MS4A6E: variants seen among roughly 807,000 people sequenced by gnomAD.
MS4A6E encodes membrane spanning 4-domains A6E.
MS4A6E carries 8 observed loss-of-function variants against 13.2 expected under a neutral mutation model. That is an observed-to-expected ratio of 0.60 (90% CI 0.35 to 1.09). MS4A6E has a LOEUF of 1.09. Ranked by LOEUF, MS4A6E falls within the 50% of genes least tolerant of loss-of-function variation. The probability of loss-of-function intolerance (pLI) is 0.02; values close to 1 mark genes in which losing one functional copy is unlikely to be tolerated. For synonymous variants in MS4A6E, 72 were observed against 67.6 expected (o/e 1.06, Z -0.32); for missense variants, 177 against 171.1 (o/e 1.03, Z -0.19).
chr11:60,338,364 T>G (rs555895167), intron 3 of MS4A6E: 16 of 180,854 alleles, frequency 8.8e-5, no homozygotes, highest in Admixed American at 8.3e-4. Context: ...GGGGGTCAGT[T>G]TGGTCTAAAA....
chr11:60,342,186 A>T (rs1466933496), downstream of MS4A6E, among the ~76,000 whole-genome samples: 146 of 75,964 alleles, frequency 1.9e-3, 2 homozygotes, highest in South Asian at 0.015. Context: ...TGTGAGAGAG[A>T]GAGAGAGAGA....
chr11:60,342,169 GTGTGTGTGTGAGAGAGAGAGAGAGAGAGA>G (rs2085229711), downstream of MS4A6E, among the ~76,000 whole-genome samples: 1 of 34,960 alleles, frequency 2.9e-5, no homozygotes, highest in African/African-American at 1.1e-4. Context: ...GTGTGTGTGT[GTGTGTGTGTGAGAGAGAGAGAGAGAGAGA>G]GAGGGGGGGG....
At chr11:60,329,189 T>G (rs2085138775) in intron 1 of MS4A6E, among the ~76,000 whole-genome samples, 1 of 143,440 alleles carries the variant, frequency 7.0e-6, no homozygotes, top group Non-Finnish European at 1.5e-5. Flanking sequence ...TTCCCCTCCC[T>G]GTGCCCATAT....
intron 4 of MS4A6E, among the ~76,000 whole-genome samples, chr11:60,348,091 C>T (rs900790762): frequency 6.6e-6 from 1 of 152,138 alleles, no homozygotes; most frequent in Non-Finnish European, 1.5e-5. Context: ...AACCCAGGAA[C>T]CAAATGGTGG....
At chr11:60,347,904 A>G (rs2085263205) in intron 4 of MS4A6E, among the ~76,000 whole-genome samples, 1 of 152,186 alleles carries the variant, frequency 6.6e-6, no homozygotes, top group Admixed American at 6.5e-5. Flanking sequence ...TAATAGTTAC[A>G]TTTGGGCAAG....
intron 4 of MS4A6E, among the ~76,000 whole-genome samples, chr11:60,348,773 G>C (rs1025703852): frequency 2.6e-5 from 4 of 152,266 alleles, no homozygotes; most frequent in African/African-American, 9.6e-5. Flanking sequence ...TGGGGGATTG[G>C]CCATGGTATC....
At chr11:60,348,550 A>T (rs564020865) in intron 4 of MS4A6E, among the ~76,000 whole-genome samples, 1 of 152,324 alleles carries the variant, frequency 6.6e-6, no homozygotes, top group African/African-American at 2.4e-5. Context: ...ATGGAAAAGG[A>T]GGAAATTTGC....
At chr11:60,329,002 T>G (rs1337756358) in intron 1 of MS4A6E, among the ~76,000 whole-genome samples, 1 of 152,216 alleles carries the variant, frequency 6.6e-6, no homozygotes, top group East Asian at 1.9e-4. Context: ...TTTTAAATTT[T>G]TATTATTATA....
At chr11:60,343,861 G>A (rs980922469), downstream of MS4A6E, among the ~76,000 whole-genome samples, 2 of 152,292 alleles carry the variant, frequency 1.3e-5, no homozygotes, top group African/African-American at 4.8e-5. Context: ...ACTGGAGTGT[G>A]ATGTATGCAG....
chr11:60,327,322 A>T lies in MS4A6E; in HGVS notation c.-101A>T, dbSNP rs1293156948. On this transcript the variant is annotated 5_prime_UTR_variant, in exon 1 of 5. The change creates a new upstream start codon in the 5' untranslated region. Transcript: ENST00000684409. ...GTCCTATCTGGAAGATGCAGCAACA[A>T]GATACCATCTTGGAAGCAAGCAACG... is the stretch of plus-strand genomic sequence containing the variant. 1.3e-5 allele frequency among the ~76,000 whole-genome samples: 2 copies of T among 152,236 alleles called. No homozygotes were observed. The highest frequency in any genetic ancestry group is 2.9e-5 in the Non-Finnish European group (2 of 68,038).
intron 1 of MS4A6E, among the ~76,000 whole-genome samples, chr11:60,328,231 G>T (rs2085132114): frequency 6.6e-6 from 1 of 152,006 alleles, no homozygotes; most frequent in Admixed American, 6.6e-5. Context: ...CGGGAAGAGA[G>T]AAATGAATTA....
chr11:60,342,036 A>G (rs2085228602), downstream of MS4A6E, among the ~76,000 whole-genome samples: 1 of 152,202 alleles, frequency 6.6e-6, no homozygotes, highest in Non-Finnish European at 1.5e-5. Flanking sequence ...CAATGAAGTT[A>G]GGGATTTCGC....
At chr11:60,335,232 TC>T (rs2085181323) in intron 2 of MS4A6E, among the ~76,000 whole-genome samples, 190 bp downstream of exon 2, 1 of 152,222 alleles carries the variant, frequency 6.6e-6, no homozygotes, top group Non-Finnish European at 1.5e-5. Flanking sequence ...AAACGTTTTT[TC>T]CCTTATTCTG....
chr11:60,332,924 G>A (rs1298798281), intron 1 of MS4A6E, among the ~76,000 whole-genome samples: 1 of 152,198 alleles, frequency 6.6e-6, no homozygotes, highest in Non-Finnish European at 1.5e-5. Context: ...CTTTCTAGCT[G>A]TTGATTCCTC....
chr11:60,339,820 T>G (rs2085212154), intron 3 of MS4A6E, 46 bp from the exon 4 acceptor site: 1 of 1,564,212 alleles, frequency 6.4e-7, no homozygotes, highest in African/African-American at 1.4e-5. Flanking sequence ...GCATGAAAGC[T>G]TCGGCTGACC....
At chr11:60,330,921 G>T in intron 1 of MS4A6E, among the ~76,000 whole-genome samples, 1 of 152,074 alleles carries the variant, frequency 6.6e-6, no homozygotes, top group Non-Finnish European at 1.5e-5. Context: ...AAGATCAGAT[G>T]GCTGTAAATG....
chr11:60,342,193 GAGAGA>G (rs1381898978), downstream of MS4A6E, among the ~76,000 whole-genome samples: 138 of 85,664 alleles, frequency 1.6e-3, no homozygotes, highest in East Asian at 3.0e-3. Context: ...GAGAGAGAGA[GAGAGA>G]GAGGGGGGGG....
In MS4A6E at chr11:60,341,129, C is replaced by T. The variant is rs1241581077; in HGVS notation, c.*363C>T. On this transcript the variant is annotated 3_prime_UTR_variant, in exon 5 of 5. Transcript: ENST00000684409. ...GGCAGAATGATGATTCAATGGATCA[C>T]AGTGAGGCAAAGGATACAGCTTTTT... 6.6e-6 allele frequency among the ~76,000 whole-genome samples: 1 copy of T among 152,062 alleles called. No homozygotes were observed. Among genetic ancestry groups the T allele is most frequent in the African/African-American group, 2.4e-5 (1 of 41,348 alleles).
At chr11:60,338,296 A>G (rs1321575608) in intron 3 of MS4A6E, among the ~76,000 whole-genome samples, 1 of 152,224 alleles carries the variant, frequency 6.6e-6, no homozygotes, top group Non-Finnish European at 1.5e-5. Context: ...CAAACAGAGC[A>G]GAAAGACCCG....
Sources: gnomAD v4.1 joint callset for allele counts (sites outside exome capture counted in the v4.1 genomes callset) on GRCh38, gnomAD v4.1.1 for gene constraint, MANE v1.5 for transcripts, NCBI Gene and HGNC (gene_info 2026-07-23, HGNC 2026-07-21) for gene names.